Variants in CAMK4 observed in about 807,000 individuals in gnomAD.
CAMK4 encodes calcium/calmodulin dependent protein kinase IV.
Under a neutral mutation model 44.9 loss-of-function variants are expected in CAMK4, and 22 were observed. The ratio of observed to expected loss-of-function variants is 0.49; its 90% CI spans 0.35 to 0.70. The LOEUF (loss-of-function observed/expected upper bound fraction) is 0.70, where lower values mean the gene tolerates loss of function less well. Ranked by LOEUF, CAMK4 falls within the 30% of genes least tolerant of loss-of-function variation. The probability of loss-of-function intolerance (pLI) is 0.01; values close to 1 mark genes in which losing one functional copy is unlikely to be tolerated. For synonymous variants in CAMK4, 218 were observed against 215.4 expected (o/e 1.01, Z -0.11); for missense variants, 498 against 586.8 (o/e 0.85, Z 1.56).
chr5:111,327,353 G>A (rs1326423352), intron 1 of CAMK4, among the ~76,000 whole-genome samples: 1 of 128,882 alleles, frequency 7.8e-6, no homozygotes, highest in African/African-American at 2.9e-5. Context: ...ATTTTTTATG[G>A]CTGCATAGTA....
chr5:111,242,428 A>G (rs898412891), intron 1 of CAMK4, among the ~76,000 whole-genome samples: 2 of 152,146 alleles, frequency 1.3e-5, no homozygotes, highest in Admixed American at 6.5e-5. Flanking sequence ...TCTCTTAAAT[A>G]TACTTTAAAT....
intron 8 of CAMK4, among the ~76,000 whole-genome samples, chr5:111,476,976 T>C (rs1394195274): frequency 6.6e-6 from 1 of 152,118 alleles, no homozygotes; most frequent in African/African-American, 2.4e-5. Flanking sequence ...GAAGGGGAAA[T>C]ATAAGGAAAC....
chr5:111,410,073 C>T (rs142977293), intron 5 of CAMK4, among the ~76,000 whole-genome samples: 2,776 of 152,278 alleles, frequency 0.018, 84 homozygotes, highest in African/African-American at 0.063. Flanking sequence ...TGCCCAGTTC[C>T]AAAGTCACTT....
intron 2 of CAMK4, among the ~76,000 whole-genome samples, chr5:111,345,276 C>T (rs941297376): frequency 7.9e-5 from 12 of 151,870 alleles, no homozygotes; most frequent in African/African-American, 2.9e-4. Context: ...ATTTCAATGG[C>T]ACTTGCTACT....
At chr5:111,362,547 C>T (rs918739821) in intron 2 of CAMK4, among the ~76,000 whole-genome samples, 2 of 151,922 alleles carry the variant, frequency 1.3e-5, no homozygotes, top group African/African-American at 2.4e-5. Flanking sequence ...AGTTGTGTTA[C>T]AATGGTGGAT....
chr5:111,271,472 A>G (rs1248120791), intron 1 of CAMK4, among the ~76,000 whole-genome samples: 3 of 152,180 alleles, frequency 2.0e-5, no homozygotes, highest in African/African-American at 7.2e-5. Flanking sequence ...TTGAATGCAC[A>G]CCTACATTTT....
At chr5:111,395,028 G>A (rs1235729786) in intron 5 of CAMK4, among the ~76,000 whole-genome samples, 1 of 151,812 alleles carries the variant, frequency 6.6e-6, no homozygotes, top group Non-Finnish European at 1.5e-5. Flanking sequence ...TGCCAACATG[G>A]TGAAACGCCA....
At chr5:111,393,070 C>G (rs1161048144) in intron 4 of CAMK4, among the ~76,000 whole-genome samples, 1 of 152,106 alleles carries the variant, frequency 6.6e-6, no homozygotes, top group African/African-American at 2.4e-5. Context: ...AGTTGAAAAA[C>G]TAATAATTTA....
intron 1 of CAMK4, among the ~76,000 whole-genome samples, chr5:111,292,833 G>A (rs1350684833): frequency 2.0e-5 from 3 of 152,036 alleles, no homozygotes; most frequent in Admixed American, 1.3e-4. Flanking sequence ...TGGGAGGCTG[G>A]GATAGGAGGA....
intron 1 of CAMK4, among the ~76,000 whole-genome samples, chr5:111,313,710 A>G (rs994284722): frequency 6.6e-6 from 1 of 150,954 alleles, no homozygotes; most frequent in Admixed American, 6.6e-5. Flanking sequence ...TAAATTGGTT[A>G]TTTGTATTTT....
chr5:111,368,223 T>C (rs1750870783), intron 2 of CAMK4, among the ~76,000 whole-genome samples: 1 of 152,194 alleles, frequency 6.6e-6, no homozygotes, highest in African/African-American at 2.4e-5. Context: ...CATCTGTTGA[T>C]GCTTCTCAAG....
intron 1 of CAMK4, among the ~76,000 whole-genome samples, chr5:111,331,178 A>G (rs780852088): frequency 2.6e-5 from 4 of 151,682 alleles, no homozygotes; most frequent in South Asian, 2.1e-4. Flanking sequence ...AAAGCAAACT[A>G]TTGACTGGGA....
chr5:111,354,845 C>T (rs1198821740), intron 2 of CAMK4, among the ~76,000 whole-genome samples: 1 of 152,110 alleles, frequency 6.6e-6, no homozygotes, highest in Admixed American at 6.6e-5. Context: ...GTGCCCTCAA[C>T]CAGGCAGACT....
At chr5:111,398,603 C>T (rs530395819) in intron 5 of CAMK4, among the ~76,000 whole-genome samples, 1 of 152,288 alleles carries the variant, frequency 6.6e-6, no homozygotes, top group Non-Finnish European at 1.5e-5. Context: ...TCGGCGGAAG[C>T]CCTACTTGTT....
chr5:111,377,066 A>T (rs1408210309), intron 4 of CAMK4, 124 bp downstream of exon 4: 5 of 584,912 alleles, frequency 8.5e-6, no homozygotes, highest in Non-Finnish European at 1.2e-5. Flanking sequence ...AAATACTACT[A>T]AAAAAAGTCT....
intron 5 of CAMK4, among the ~76,000 whole-genome samples, chr5:111,433,141 C>G (rs1753521266): frequency 6.6e-6 from 1 of 152,146 alleles, no homozygotes; most frequent in South Asian, 2.1e-4. Context: ...ACAGATTATC[C>G]TGTTTCCCAT....
chr5:111,389,550 A>G (rs916784859), intron 4 of CAMK4, among the ~76,000 whole-genome samples: 6 of 152,144 alleles, frequency 3.9e-5, no homozygotes, highest in Non-Finnish European at 8.8e-5. Context: ...GAGACAGCTC[A>G]TGGTTGTGGA....
intron 1 of CAMK4, among the ~76,000 whole-genome samples, chr5:111,228,578 T>C (rs1283543118): frequency 6.6e-6 from 1 of 151,530 alleles, no homozygotes; most frequent in Non-Finnish European, 1.5e-5. Flanking sequence ...TAAAACAGTG[T>C]TTATTCTTAT....
intron 1 of CAMK4, among the ~76,000 whole-genome samples, chr5:111,328,251 C>A (rs1358550440): frequency 2.7e-5 from 4 of 150,262 alleles, no homozygotes; most frequent in African/African-American, 1.0e-4. Context: ...TTGCCAGCAC[C>A]ATTTATTAAA....
Sources: gnomAD v4.1 joint callset for allele counts (sites outside exome capture counted in the v4.1 genomes callset) on GRCh38, gnomAD v4.1.1 for gene constraint, MANE v1.5 for transcripts, NCBI Gene and HGNC (gene_info 2026-07-23, HGNC 2026-07-21) for gene names.